RFX3: variants seen among roughly 807,000 people sequenced by gnomAD.
RFX3 encodes the protein regulatory factor X3, also known as transcription factor RFX3.
RFX3 carries 14 observed loss-of-function variants against 98.6 expected under a neutral mutation model. The ratio of observed to expected loss-of-function variants is 0.14; its 90% CI spans 0.09 to 0.22. The LOEUF (loss-of-function observed/expected upper bound fraction) is 0.22. Ranked by LOEUF, RFX3 falls within the 10% of genes least tolerant of loss-of-function variation. The pLI, the probability that RFX3 is intolerant of heterozygous loss-of-function variation, is 1.00. For missense variants in RFX3, 639 were observed against 926.9 expected, an observed-to-expected ratio of 0.69 and a Z score of 4.03; for synonymous variants, 383 against 328.4, an observed-to-expected ratio of 1.17 and a Z score of -1.80.
intron 2 of RFX3, among the ~76,000 whole-genome samples, chr9:3,349,735 A>G (rs1035220136): frequency 2.6e-5 from 4 of 152,106 alleles, no homozygotes; most frequent in African/African-American, 9.7e-5. Context: ...TCATTCTAAG[A>G]AAAAACAAAG....
chr9:3,435,802 T>TAAAAAA (rs34925429), intron 1 of RFX3, among the ~76,000 whole-genome samples: 7 of 97,634 alleles, frequency 7.2e-5, no homozygotes, highest in Admixed American at 1.1e-4. Flanking sequence ...ATCTGCATTG[T>TAAAAAA]AAAAAAAAAA....
chr9:3,413,301 T>C (rs1842616820), intron 1 of RFX3, among the ~76,000 whole-genome samples: 1 of 152,118 alleles, frequency 6.6e-6, no homozygotes, highest in Non-Finnish European at 1.5e-5. Context: ...ACTTGATAAA[T>C]TGTTTTATGA....
At position 3,410,161 on chromosome 9, in the gene RFX3, C is replaced by CTGTGTGTGTGTGTGTGTGTGTGTGTG. The variant is rs555349379; in HGVS notation, c.-8-14591_-8-14566dup. On this transcript the variant is annotated intron_variant, in intron 1 of 16. Transcript: ENST00000617270. ...TTAACACGATTTCAAGTGAGATAAA[C>CTGTGTGTGTGTGTGTGTGTGTGTGTG]TGTGTGTGTGTGTGTGTGTGTGTGT... 7.8e-4 allele frequency among the ~76,000 whole-genome samples: 89 copies of CTGTGTGTGTGTGTGTGTGTGTGTGTG among 114,122 alleles called. 2 individuals are homozygous for CTGTGTGTGTGTGTGTGTGTGTGTGTG. The highest frequency in any genetic ancestry group is 2.5e-3 in the East Asian group (8 of 3,222). 74.9% of individuals were successfully genotyped at this position (114,122 alleles called of 152,430 possible).
chr9:3,405,063 A>G (rs1317427568), intron 1 of RFX3, among the ~76,000 whole-genome samples: 2 of 152,184 alleles, frequency 1.3e-5, no homozygotes, highest in Non-Finnish European at 2.9e-5. Context: ...ATCAAATTAC[A>G]CTTGAAATTA....
chr9:3,467,124 ATG>A (rs1848333574), intron 1 of RFX3, among the ~76,000 whole-genome samples: 1 of 94,774 alleles, frequency 1.1e-5, no homozygotes, highest in African/African-American at 9.7e-5. Flanking sequence ...ACATACATAT[ATG>A]TAAGTATATA....
chr9:3,318,433 A>C (rs1830883992), intron 4 of RFX3, among the ~76,000 whole-genome samples: 1 of 152,134 alleles, frequency 6.6e-6, no homozygotes, highest in Admixed American at 6.5e-5. Context: ...ATGACGAGTT[A>C]ACGGGTGCAG....
At chr9:3,334,567 G>T (rs1040084950) in intron 3 of RFX3, among the ~76,000 whole-genome samples, 14 of 152,146 alleles carry the variant, frequency 9.2e-5, no homozygotes, top group African/African-American at 3.1e-4. Context: ...AAGAGGAGAA[G>T]GGATAAAGTC....
At chr9:3,491,596 C>A (rs954820126) in intron 1 of RFX3, among the ~76,000 whole-genome samples, 2 of 152,124 alleles carry the variant, frequency 1.3e-5, no homozygotes, top group African/African-American at 4.8e-5. Flanking sequence ...TTAGGCCAGT[C>A]TACAGTCATC....
At chr9:3,293,019 G>C in intron 6 of RFX3, 58 bp downstream of exon 6, 1 of 1,348,170 alleles carries the variant, frequency 7.4e-7, no homozygotes, top group Non-Finnish European at 1.0e-6. Context: ...ACAATATATT[G>C]AATTGCCCTA....
At chr9:3,424,348 CTTTTTTTTTTTTTTTTTT>C (rs748693786) in intron 1 of RFX3, among the ~76,000 whole-genome samples, 4 of 76,008 alleles carry the variant, frequency 5.3e-5, no homozygotes, top group Non-Finnish European at 9.4e-5. Context: ...ACATAATTGA[CTTTTTTTTTTTTTTTTTT>C]TTTTTTTTTT....
In RFX3 at chr9:3,505,274, G is replaced by A. The variant is rs190937918; in HGVS notation, c.-9+20473C>T. Among the ~76,000 whole-genome samples the A allele has an allele frequency of 1.2e-3, 75 of 61,362 alleles. 7 individuals carry two copies. Among genetic ancestry groups the A allele is most frequent in the African/African-American group, 6.6e-3 (57 of 8,592 alleles). 40.3% of individuals were successfully genotyped at this position (61,362 alleles called of 152,430 possible). On this transcript the variant is annotated intron_variant, in intron 1 of 16. Transcript: ENST00000617270. ...TATGAATATATATTTATATATATAT[G>A]AATATATACATTTTTATATTTATAT...
intron 2 of RFX3, among the ~76,000 whole-genome samples, chr9:3,374,653 G>A (rs1838247420): frequency 6.6e-6 from 1 of 152,108 alleles, no homozygotes; most frequent in Non-Finnish European, 1.5e-5. Context: ...ATGGCAACTA[G>A]GGAAGCCAAA....
intron 1 of RFX3, among the ~76,000 whole-genome samples, chr9:3,409,356 A>G (rs1414591352): frequency 2.0e-5 from 3 of 152,248 alleles, no homozygotes; most frequent in Admixed American, 2.0e-4. Context: ...TTAAGTAACT[A>G]AAAAGCATTC....
intron 2 of RFX3, among the ~76,000 whole-genome samples, chr9:3,387,743 G>C (rs1026243920): frequency 3.3e-5 from 5 of 151,838 alleles, no homozygotes; most frequent in Admixed American, 2.0e-4. Context: ...AGGGAACCAA[G>C]CCAATGGGAA....
chr9:3,345,802 C>A (rs1834384003), intron 3 of RFX3, among the ~76,000 whole-genome samples: 1 of 151,856 alleles, frequency 6.6e-6, no homozygotes, highest in Non-Finnish European at 1.5e-5. Context: ...TGAATAAAAA[C>A]AAAAAAAGTC....
chr9:3,282,971 T>C (rs1249961486), intron 7 of RFX3, among the ~76,000 whole-genome samples: 1 of 151,816 alleles, frequency 6.6e-6, no homozygotes, highest in Admixed American at 6.6e-5. Context: ...GTTCCACAAA[T>C]ACTACTCAGG....
At position 3,457,066 on chromosome 9, in the gene RFX3, G is replaced by A. The variant is rs149449252; in HGVS notation, c.-8-61470C>T. 3.0e-3 allele frequency among the ~76,000 whole-genome samples: 451 copies of A among 147,978 alleles called. 2 individuals are homozygous for A. Among genetic ancestry groups the A allele is most frequent in the African/African-American group, 5.4e-3 (215 of 39,674 alleles). On this transcript the variant is annotated intron_variant, in intron 1 of 16. Transcript: ENST00000617270. ...TAAGGCAGGAGAATAGCTTGAACCC[G>A]GGAGGCAGCAGTTGCTGTGAACCGA...
chr9:3,255,981 T>C (rs77641279), intron 14 of RFX3, among the ~76,000 whole-genome samples: 129 of 152,302 alleles, frequency 8.5e-4, no homozygotes, highest in African/African-American at 2.9e-3. Flanking sequence ...CTTTTTTTTT[T>C]TCTGAGACGG....
intron 15 of RFX3, among the ~76,000 whole-genome samples, chr9:3,238,295 A>G (rs566946593): frequency 2.6e-5 from 4 of 152,210 alleles, no homozygotes; most frequent in Non-Finnish European, 5.9e-5. Context: ...CGTCAGGTTG[A>G]CACTGTAAAC....
Sources: allele counts gnomAD v4.1 joint callset (sites outside exome capture counted in the v4.1 genomes callset), GRCh38; gene constraint gnomAD v4.1.1; transcripts MANE v1.5; gene names NCBI Gene and HGNC (gene_info 2026-07-23, HGNC 2026-07-21).